C1D: variants seen among roughly 807,000 people sequenced by gnomAD.
C1D encodes the protein nuclear nucleic acid-binding protein C1D.
In C1D, 10 loss-of-function variants were observed where a neutral mutation model predicts 17.5. The observed-to-expected ratio is 0.57, with a 90% confidence interval of 0.35 to 0.97. The LOEUF is 0.97. Among genes scored for constraint, C1D ranks in the 50% least tolerant of loss-of-function variants. The pLI is 0.01. For synonymous variants in C1D, 49 were observed against 54.0 expected (o/e 0.91, Z 0.40); for missense variants, 136 against 160.1 (o/e 0.85, Z 0.81).
intron 2 of C1D, 134 bp downstream of exon 2, chr2:68,047,039 C>T: frequency 1.4e-6 from 1 of 735,112 alleles, no homozygotes; most frequent in South Asian, 3.3e-5. Flanking sequence ...CCTAAAAATA[C>T]CCAAACACTA....
At chr2:68,047,664 C>T (rs920966178) in intron 1 of C1D, among the ~76,000 whole-genome samples, 1 of 152,158 alleles carries the variant, frequency 6.6e-6, no homozygotes, top group African/African-American at 2.4e-5. Context: ...TGGGCCCAAG[C>T]GATCCTCCCA....
intron 1 of C1D, among the ~76,000 whole-genome samples, chr2:68,050,612 C>T (rs1018845251): frequency 6.6e-6 from 1 of 152,094 alleles, no homozygotes; most frequent in Non-Finnish European, 1.5e-5. Flanking sequence ...TTGGTCTCTT[C>T]GATGCATCCT....
chr2:68,048,370 TG>T (rs899140596), intron 1 of C1D, among the ~76,000 whole-genome samples: 1 of 152,166 alleles, frequency 6.6e-6, no homozygotes, highest in African/African-American at 2.4e-5. Context: ...CATTGCAGAA[TG>T]GAAGTAAAGA....
At position 68,042,485 on chromosome 2, in the gene C1D, A is replaced by G. The variant is rs1054927210; in HGVS notation, c.*404T>C. 1.9e-5 allele frequency: 3 copies of G among 155,004 alleles called. No individual in the cohort carries two copies. The highest frequency in any genetic ancestry group is 7.2e-5 in the African/African-American group (3 of 41,484). The allele number at this position is 155,004 out of a possible 1,614,324, so 9.6% of individuals were successfully genotyped here. A position where few individuals can be genotyped will look rare whatever the true frequency, so the allele number is the denominator to read the frequency against. Reference sequence around the variant, plus strand: ...ATTTCACGCTTTCTTAATATCATATAGTGAAAACAGATGTACCTATAATTT... The same window carrying G: ...ATTTCACGCTTTCTTAATATCATATGGTGAAAACAGATGTACCTATAATTT... On this transcript the variant is annotated 3_prime_UTR_variant, in exon 5 of 5. Transcript: ENST00000410067.
chr2:68,044,833 T>C (rs1466125213), intron 4 of C1D, among the ~76,000 whole-genome samples: 5 of 152,206 alleles, frequency 3.3e-5, no homozygotes, highest in African/African-American at 9.6e-5. Context: ...AGAAAACAAA[T>C]GACCTTGTCC....
At chr2:68,055,262 A>T (rs1671405880) in intron 1 of C1D, among the ~76,000 whole-genome samples, 1 of 152,220 alleles carries the variant, frequency 6.6e-6, no homozygotes, top group South Asian at 2.1e-4. Context: ...GTGAGGCAAT[A>T]TAACATACAC....
chr2:68,045,984 T>G lies in C1D; in HGVS notation c.261+4A>C, dbSNP rs201083721. The G allele has an allele frequency of 5.7e-6, 9 of 1,574,506 alleles. No individual in the cohort carries two copies. The Admixed American group carries it at 9.0e-5, about 16-fold the overall frequency. ...CATAAAATAAAAAGAAATTAAAATC[T>G]TACCAATTCCTGTTTTACTGGATGT... On this transcript the variant is annotated splice_donor_region_variant and intron_variant, in intron 4 of 4. Transcript: ENST00000410067.
chr2:68,057,069 A>G (rs1671458829), intron 1 of C1D, among the ~76,000 whole-genome samples: 2 of 152,342 alleles, frequency 1.3e-5, no homozygotes, highest in Middle Eastern at 3.4e-3. Flanking sequence ...AGTAGTGAAA[A>G]GGTACGAGGT....
At chr2:68,051,513 A>G (rs142739698) in intron 1 of C1D, among the ~76,000 whole-genome samples, 2 of 152,314 alleles carry the variant, frequency 1.3e-5, no homozygotes, top group Admixed American at 6.5e-5. Flanking sequence ...TCAAAAAATA[A>G]TAACTATTTA....
chr2:68,048,289 T>G (rs933777173), intron 1 of C1D, among the ~76,000 whole-genome samples: 15 of 152,222 alleles, frequency 9.9e-5, no homozygotes, highest in Non-Finnish European at 1.8e-4. Context: ...AAATTTTTTT[T>G]GTATTAACAG....
rs542267579 is a variant in C1D, at chr2:68,050,616, G to A, written c.-9-3297C>T. On this transcript the variant is annotated intron_variant, in intron 1 of 4. Coordinates refer to ENST00000410067, the MANE Select transcript of C1D (RefSeq NM_173177.3). Reference sequence around the variant, plus strand: ...TGGCTCCTTTCTTGGTCTCTTCGATGCATCCTTCTCACATCCTCAGCCCCT... The same window carrying A: ...TGGCTCCTTTCTTGGTCTCTTCGATACATCCTTCTCACATCCTCAGCCCCT... Among the ~76,000 whole-genome samples, 54 of 152,200 alleles carry A rather than the reference G, an allele frequency of 3.5e-4. No homozygotes were observed. In the South Asian group the frequency reaches 9.3e-3, roughly 26 times the overall value.
intron 1 of C1D, among the ~76,000 whole-genome samples, chr2:68,051,809 C>A (rs1041151681): frequency 3.9e-5 from 6 of 151,936 alleles, no homozygotes; most frequent in African/African-American, 9.7e-5. Flanking sequence ...CTCTTAACCA[C>A]CCCATTTTAA....
At position 68,047,233 on chromosome 2, in the gene C1D, A is replaced by G. The variant is rs1458997431; in HGVS notation, c.78T>C (p.Gly26=). The change falls in exon 2 of 5, where the codon GGT becomes GGC. Residue 26 remains glycine (G), a synonymous_variant. Transcript: ENST00000410067. ...EYLSAFENSI[G]AVDEMLKTMM... is the part of the protein sequence containing the mutation. ...TGGTCTTCAGCATCTCATCCACAGC[A>G]CCAATGGAATTCTCAAACGCTGACA... The G allele has an allele frequency of 5.6e-6, 9 of 1,612,452 alleles. No individual in the cohort carries two copies. The East Asian group carries it at 6.7e-5, about 12-fold the overall frequency.
intron 1 of C1D, among the ~76,000 whole-genome samples, chr2:68,060,628 G>A (rs1671598233): frequency 6.9e-6 from 1 of 144,424 alleles, no homozygotes; most frequent in Non-Finnish European, 1.5e-5. Context: ...GAGCAACAGA[G>A]TGAGACTCCA....
chr2:68,058,994 C>A (rs1427610239), intron 1 of C1D, among the ~76,000 whole-genome samples: 3 of 152,258 alleles, frequency 2.0e-5, no homozygotes, highest in South Asian at 2.1e-4. Flanking sequence ...TACCCGTGTT[C>A]CTCCGTTTTG....
At chr2:68,061,073 A>G (rs1671616120) in intron 1 of C1D, among the ~76,000 whole-genome samples, 1 of 152,210 alleles carries the variant, frequency 6.6e-6, no homozygotes. Flanking sequence ...ACACCAAATA[A>G]TTATACACAG....
intron 1 of C1D, among the ~76,000 whole-genome samples, chr2:68,048,877 T>G (rs1671205952): frequency 6.6e-6 from 1 of 152,140 alleles, no homozygotes; most frequent in African/African-American, 2.4e-5. Context: ...ACCAGCAGAC[T>G]TCAACAGTAG....
chr2:68,060,965 A>G (rs1671612788), intron 1 of C1D, among the ~76,000 whole-genome samples: 1 of 152,218 alleles, frequency 6.6e-6, no homozygotes, highest in South Asian at 2.1e-4. Context: ...GAAACTCTTA[A>G]TATCAGATTA....
intron 1 of C1D, among the ~76,000 whole-genome samples, chr2:68,056,017 C>T (rs1368144176): frequency 6.6e-6 from 1 of 152,168 alleles, no homozygotes; most frequent in Non-Finnish European, 1.5e-5. Context: ...ACTGGGTGCT[C>T]ACTACATCTG....
Sources: allele counts gnomAD v4.1 joint callset (sites outside exome capture counted in the v4.1 genomes callset), GRCh38; gene constraint gnomAD v4.1.1; transcripts MANE v1.5; gene names NCBI Gene and HGNC (gene_info 2026-07-23, HGNC 2026-07-21).